Variants in CLEC4A observed in about 807,000 individuals in gnomAD.
CLEC4A encodes the protein C-type lectin domain family 4 member A.
A neutral mutation model predicts 32.7 loss-of-function variants in CLEC4A; 27 were observed. The ratio of observed to expected loss-of-function variants is 0.83; its 90% confidence interval spans 0.61 to 1.14. The LOEUF is 1.14. CLEC4A is among the 50% of genes most tolerant of loss of function. The pLI, the probability that CLEC4A is intolerant of heterozygous loss-of-function variation, is 0.00. For synonymous variants in CLEC4A, 89 were observed against 93.7 expected (o/e 0.95, Z 0.29); for missense variants, 253 against 274.6 (o/e 0.92, Z 0.55).
At chr12:8,126,408 CAG>C (rs1947903277) in intron 2 of CLEC4A, among the ~76,000 whole-genome samples, 1 of 135,678 alleles carries the variant, frequency 7.4e-6, no homozygotes, top group Non-Finnish European at 1.6e-5. Flanking sequence ...TTAGTAGAGA[CAG>C]GGTTTTCTCA....
At chr12:8,126,981 T>G (rs1338508260) in intron 2 of CLEC4A, among the ~76,000 whole-genome samples, 1 of 152,228 alleles carries the variant, frequency 6.6e-6, no homozygotes, top group Non-Finnish European at 1.5e-5. Context: ...ATTTTTTCCC[T>G]CCTAAAGGTT....
At chr12:8,119,230 C>G (rs1034290187), upstream of CLEC4A, among the ~76,000 whole-genome samples, 1 of 152,076 alleles carries the variant, frequency 6.6e-6, no homozygotes, top group Non-Finnish European at 1.5e-5. Flanking sequence ...TATTTGTTTG[C>G]TTTTGTTTTC....
chr12:8,134,994 T>TTTTTTTTTTTTTTTTTTTTTTTTTC (rs1948080858), intron 3 of CLEC4A: 1 of 243,218 alleles, frequency 4.1e-6, no homozygotes, highest in Non-Finnish European at 6.6e-6. Context: ...TTGTTTTTTT[T>TTTTTTTTTTTTTTTTTTTTTTTTTC]TAATCATGGC....
chr12:8,128,885 A>G (rs532219804), intron 2 of CLEC4A, among the ~76,000 whole-genome samples: 1 of 152,020 alleles, frequency 6.6e-6, no homozygotes, highest in African/African-American at 2.4e-5. Context: ...GTAACCCAGA[A>G]CTCCTCAGAA....
the CLEC4A span, among the ~76,000 whole-genome samples, chr12:8,111,978 A>AT: frequency 1.5e-5 from 2 of 135,200 alleles, no homozygotes; most frequent in South Asian, 4.6e-4. Flanking sequence ...TTATTTATTT[A>AT]TTTTTTTTAG....
At chr12:8,135,923 T>A (rs1357618101) in intron 4 of CLEC4A, among the ~76,000 whole-genome samples, 187 bp downstream of exon 4, 1 of 152,070 alleles carries the variant, frequency 6.6e-6, no homozygotes, top group African/African-American at 2.4e-5. Context: ...AAAACTAACC[T>A]CCCCGGAAGA....
rs1302089670 is a variant in CLEC4A at position 8,134,982 on chromosome 12, T to G, written c.299-603T>G. On this transcript the variant is annotated intron_variant, in intron 3 of 5. Coordinates refer to ENST00000229332, the MANE Select transcript of CLEC4A (RefSeq NM_016184.4). ...ATCTTCTTGTTGAAGCGTTTTTGTT[T>G]TTTGTTTTTTTTTAATCATGGCTGC... The G allele has an allele frequency of 1.4e-3, 397 of 292,284 alleles. 24 individuals are homozygous for G. Among genetic ancestry groups the G allele is most frequent in the African/African-American group, 9.8e-3 (365 of 37,230 alleles). 18.1% of individuals were successfully genotyped at this position (292,284 alleles called of 1,614,324 possible).
the CLEC4A span, among the ~76,000 whole-genome samples, chr12:8,111,944 T>G: frequency 6.7e-6 from 1 of 149,028 alleles, no homozygotes; most frequent in South Asian, 2.1e-4. Flanking sequence ...TGTGTGTGTG[T>G]GTGTGTGTGT....
At chr12:8,109,368 C>G in the CLEC4A span, among the ~76,000 whole-genome samples, 1 of 152,050 alleles carries the variant, frequency 6.6e-6, no homozygotes, top group African/African-American at 2.4e-5. Context: ...GATTAATGGG[C>G]AGTAAAGAGT....
chr12:8,138,110 A>G (rs1410065527), intron 5 of CLEC4A, 30 bp from the exon 6 acceptor site: 4 of 1,607,188 alleles, frequency 2.5e-6, no homozygotes, highest in Non-Finnish European at 3.4e-6. Context: ...CTGTTTGAAG[A>G]AATGCCCTCA....
At chr12:8,134,108 A>T in intron 3 of CLEC4A, 2 of 1,595,446 alleles carry the variant, frequency 1.3e-6, no homozygotes, top group African/African-American at 1.3e-5. Flanking sequence ...GCACCGCAGG[A>T]ACAAATTCTC....
the CLEC4A span, among the ~76,000 whole-genome samples, chr12:8,117,251 T>G: frequency 6.7e-6 from 1 of 149,936 alleles, no homozygotes; most frequent in Non-Finnish European, 1.5e-5. Context: ...TTTGTTTTTG[T>G]TTTTTTTGAA....
chr12:8,135,627 G>T lies in CLEC4A; in HGVS notation c.341G>T (p.Ser114Ile). ...TGCCCAAAGAATTGGAAGTCATTTA[G>T]TTCCAACTGCTACTTTATTTCTACT... The part of the protein sequence containing the change: ...SCCPKNWKSF[S>I]SNCYFISTES... Residue 114 changes from serine (S) to isoleucine (I), a missense_variant, in exon 4 of 6, where the codon AGT becomes ATT. By Grantham distance (142) the Ser-to-Ile change is moderately radical. Coordinates refer to ENST00000229332, the MANE Select transcript of CLEC4A (RefSeq NM_016184.4). 3 of 1,614,200 alleles carry T rather than the reference G, an allele frequency of 1.9e-6. No individual in the cohort carries two copies. The highest frequency in any genetic ancestry group is 2.5e-6 in the Non-Finnish European group (3 of 1,179,998).
intron 3 of CLEC4A, among the ~76,000 whole-genome samples, chr12:8,131,420 A>G (rs1166986877): frequency 6.6e-6 from 1 of 152,150 alleles, no homozygotes; most frequent in Non-Finnish European, 1.5e-5. Flanking sequence ...GAGTCCAAAG[A>G]CCATCTGCTG....
chr12:8,134,030 C>T, intron 3 of CLEC4A: 2 of 1,601,436 alleles, frequency 1.2e-6, no homozygotes, highest in Non-Finnish European at 1.7e-6. Context: ...GAACCACACT[C>T]GGACCACATC....
intron 4 of CLEC4A, among the ~76,000 whole-genome samples, chr12:8,136,263 A>T (rs1948114070): frequency 6.6e-6 from 1 of 152,240 alleles, no homozygotes; most frequent in Admixed American, 6.5e-5. Flanking sequence ...CATTCTGATC[A>T]TAGAAATTGC....
At chr12:8,113,694 T>C in the CLEC4A span, among the ~76,000 whole-genome samples, 2 of 152,182 alleles carry the variant, frequency 1.3e-5, no homozygotes, top group Admixed American at 6.5e-5. Flanking sequence ...GATCTTATTG[T>C]CGTCTCACCC....
At chr12:8,131,338 C>T (rs1947992641) in intron 3 of CLEC4A, among the ~76,000 whole-genome samples, 1 of 152,146 alleles carries the variant, frequency 6.6e-6, no homozygotes, top group Non-Finnish European at 1.5e-5. Flanking sequence ...GCTCTCCATT[C>T]ATGAGGGTGG....
At chr12:8,136,037 T>A (rs1003377921) in intron 4 of CLEC4A, among the ~76,000 whole-genome samples, 7 of 152,294 alleles carry the variant, frequency 4.6e-5, no homozygotes, top group Admixed American at 2.6e-4. Context: ...TATACATGAT[T>A]AACTACTTAA....
Sources: gnomAD v4.1 joint callset for allele counts (sites outside exome capture counted in the v4.1 genomes callset) on GRCh38, gnomAD v4.1.1 for gene constraint, MANE v1.5 for transcripts, NCBI Gene and HGNC (gene_info 2026-07-23, HGNC 2026-07-21) for gene names.